DTWD2: variants seen among roughly 807,000 people sequenced by gnomAD.
The protein encoded by DTWD2 is tRNA-uridine aminocarboxypropyltransferase 2.
DTWD2 carries 39 observed loss-of-function variants against 31.8 expected under a neutral mutation model. That is an observed-to-expected ratio of 1.22 (90% confidence interval 0.95 to 1.60). The LOEUF (loss-of-function observed/expected upper bound fraction) is 1.60, where lower values mean the gene tolerates loss of function less well. Among genes scored for constraint, DTWD2 ranks in the 40% most tolerant of loss-of-function variants. The pLI is 0.00. For synonymous variants in DTWD2, 180 were observed against 142.8 expected (o/e 1.26, Z -1.86); for missense variants, 515 against 381.5 (o/e 1.35, Z -2.92).
intron 2 of DTWD2, among the ~76,000 whole-genome samples, chr5:118,941,380 A>G (rs974397994): frequency 5.9e-5 from 9 of 151,926 alleles, no homozygotes; most frequent in African/African-American, 2.2e-4. Flanking sequence ...CCTGTGTCCA[A>G]GTGTTCTCAT....
intron 1 of DTWD2, among the ~76,000 whole-genome samples, chr5:118,976,485 C>T (rs569932607): frequency 7.2e-5 from 11 of 152,216 alleles, no homozygotes; most frequent in Admixed American, 6.5e-4. Flanking sequence ...CAAATAGACA[C>T]AGTAAAAGAT....
intron 5 of DTWD2, among the ~76,000 whole-genome samples, chr5:118,847,398 T>C (rs912190674): frequency 1.3e-5 from 2 of 152,148 alleles, no homozygotes; most frequent in East Asian, 1.9e-4. Flanking sequence ...TTTTCAATAA[T>C]TAAAAAACCC....
chr5:118,853,014 G>T (rs1752046645), intron 4 of DTWD2, among the ~76,000 whole-genome samples: 1 of 152,102 alleles, frequency 6.6e-6, no homozygotes. Flanking sequence ...TAAGTACTGG[G>T]TACACATGGG....
At chr5:118,884,859 A>G (rs1393916363) in intron 4 of DTWD2, among the ~76,000 whole-genome samples, 1 of 151,474 alleles carries the variant, frequency 6.6e-6, no homozygotes, top group African/African-American at 2.4e-5. Context: ...ACAAAAAATT[A>G]GCCGGGCGTG....
chr5:118,851,663 G>C (rs1256879315), intron 4 of DTWD2, among the ~76,000 whole-genome samples: 1 of 135,826 alleles, frequency 7.4e-6, no homozygotes, highest in East Asian at 2.2e-4. Flanking sequence ...CACAGGAAGG[G>C]GAACATCACA....
At chr5:118,971,770 C>G (rs148147478) in intron 1 of DTWD2, among the ~76,000 whole-genome samples, 40 of 152,260 alleles carry the variant, frequency 2.6e-4, no homozygotes, top group Non-Finnish European at 4.7e-4. Flanking sequence ...GAAATGATAA[C>G]AAATAGTCTC....
intron 4 of DTWD2, among the ~76,000 whole-genome samples, chr5:118,850,309 C>CA (rs74980941): frequency 0.2 from 12,513 of 63,084 alleles, 793 homozygotes; most frequent in Middle Eastern, 0.31. Context: ...ACCAAAAATA[C>CA]AAAAAAAAAA....
At chr5:118,880,820 A>C (rs1752724418) in intron 4 of DTWD2, among the ~76,000 whole-genome samples, 1 of 152,194 alleles carries the variant, frequency 6.6e-6, no homozygotes, top group Non-Finnish European at 1.5e-5. Context: ...CAAGACCTTA[A>C]GCTCTTTAGT....
chr5:118,919,024 C>G (rs1254918473), intron 4 of DTWD2, among the ~76,000 whole-genome samples: 1 of 152,140 alleles, frequency 6.6e-6, no homozygotes, highest in Non-Finnish European at 1.5e-5. Context: ...AAGTAGAGGT[C>G]ATTTGTCTGA....
At chr5:118,981,692 T>C (rs1004482757) in intron 1 of DTWD2, among the ~76,000 whole-genome samples, 4 of 152,076 alleles carry the variant, frequency 2.6e-5, no homozygotes, top group Non-Finnish European at 5.9e-5. Context: ...TCCCCGAATC[T>C]GCCTTTCTAA....
At chr5:118,923,471 C>G (rs975849828) in intron 4 of DTWD2, among the ~76,000 whole-genome samples, 6 of 152,156 alleles carry the variant, frequency 3.9e-5, no homozygotes, top group African/African-American at 1.4e-4. Context: ...CTCAGACAGG[C>G]ATGTATGCAA....
intron 4 of DTWD2, among the ~76,000 whole-genome samples, chr5:118,854,726 A>C (rs966905341): frequency 4.6e-5 from 7 of 152,188 alleles, no homozygotes; most frequent in African/African-American, 1.7e-4. Flanking sequence ...TCAACTCAAG[A>C]AATAGGTATA....
intron 1 of DTWD2, 58 bp downstream of exon 1, chr5:118,988,236 G>A: frequency 2.0e-6 from 3 of 1,529,024 alleles, no homozygotes; most frequent in South Asian, 1.2e-5. Context: ...AGGGGGCGCC[G>A]CACCCTCCTC....
At chr5:118,973,892 G>A (rs1480686466) in intron 1 of DTWD2, 3 of 1,609,286 alleles carry the variant, frequency 1.9e-6, no homozygotes, top group East Asian at 2.2e-5. Context: ...TGGAAGAGAC[G>A]CCCCTGCTAA....
intron 4 of DTWD2, among the ~76,000 whole-genome samples, chr5:118,911,017 G>A (rs1393880114): frequency 2.6e-5 from 4 of 152,082 alleles, no homozygotes; most frequent in Non-Finnish European, 4.4e-5. Flanking sequence ...CGGGGGTTAG[G>A]TTTCAAATAA....
intron 3 of DTWD2, among the ~76,000 whole-genome samples, chr5:118,930,332 A>G (rs1372640645): frequency 6.6e-6 from 1 of 152,194 alleles, no homozygotes; most frequent in Non-Finnish European, 1.5e-5. Context: ...GCAAAAAACA[A>G]AACAAAATGC....
intron 4 of DTWD2, among the ~76,000 whole-genome samples, chr5:118,856,066 A>C (rs1752126699): frequency 6.6e-6 from 1 of 152,202 alleles, no homozygotes; most frequent in Non-Finnish European, 1.5e-5. Flanking sequence ...AGTATACTCC[A>C]GAGAAAGAGA....
intron 4 of DTWD2, among the ~76,000 whole-genome samples, chr5:118,915,427 T>C (rs1580803770): frequency 1.3e-5 from 2 of 149,368 alleles, no homozygotes; most frequent in East Asian, 3.9e-4. Context: ...CAGGCTGGAG[T>C]GCAGTGGCGC....
intron 4 of DTWD2, among the ~76,000 whole-genome samples, chr5:118,905,983 A>G (rs1753324892): frequency 6.6e-6 from 1 of 152,182 alleles, no homozygotes; most frequent in Non-Finnish European, 1.5e-5. Context: ...TTGTATCCAG[A>G]ATATGTAAAC....
Sources: gnomAD v4.1 joint callset for allele counts (sites outside exome capture counted in the v4.1 genomes callset) on GRCh38, gnomAD v4.1.1 for gene constraint, MANE v1.5 for transcripts, NCBI Gene and HGNC (gene_info 2026-07-23, HGNC 2026-07-21) for gene names.